STK39: variants seen among roughly 807,000 people sequenced by gnomAD.
STK39 encodes the protein serine/threonine kinase 39.
In STK39, 20 loss-of-function variants were observed where a neutral mutation model predicts 77.8. That is an observed-to-expected ratio of 0.26 (90% CI 0.18 to 0.37). The LOEUF (loss-of-function observed/expected upper bound fraction) is 0.37. Ranked by LOEUF, STK39 falls within the 10% of genes least tolerant of loss-of-function variation. STK39 has a pLI of 1.00. For synonymous variants in STK39, 246 were observed against 234.1 expected (o/e 1.05, Z -0.47); for missense variants, 479 against 656.5 (o/e 0.73, Z 2.95).
At chr2:168,070,486 T>A (rs926285325) in intron 12 of STK39, among the ~76,000 whole-genome samples, 7 of 151,988 alleles carry the variant, frequency 4.6e-5, no homozygotes, top group African/African-American at 1.7e-4. Context: ...AGGGTACATG[T>A]GCACAACGTG....
intron 14 of STK39, among the ~76,000 whole-genome samples, chr2:168,027,371 A>G (rs1044461992): frequency 6.6e-6 from 1 of 152,218 alleles, no homozygotes; most frequent in African/African-American, 2.4e-5. Flanking sequence ...TCTTCTAAAA[A>G]GTGAAAATTC....
At chr2:168,209,209 G>C (rs1022284144) in intron 1 of STK39, among the ~76,000 whole-genome samples, 4 of 152,128 alleles carry the variant, frequency 2.6e-5, no homozygotes, top group African/African-American at 9.7e-5. Flanking sequence ...TTTTACTGAT[G>C]ATGATGAAAG....
At chr2:168,022,948 C>T (rs1416848823) in intron 14 of STK39, among the ~76,000 whole-genome samples, 1 of 152,110 alleles carries the variant, frequency 6.6e-6, no homozygotes, top group African/African-American at 2.4e-5. Flanking sequence ...GACAAGGTCT[C>T]ACTTGGTTGC....
intron 10 of STK39, among the ~76,000 whole-genome samples, chr2:168,087,945 T>C (rs748108066): frequency 1.1e-4 from 16 of 152,178 alleles, no homozygotes; most frequent in Non-Finnish European, 2.2e-4. Flanking sequence ...GAAATAAAGA[T>C]CAGGGGTTAG....
At chr2:168,026,565 C>T (rs978377408) in intron 14 of STK39, among the ~76,000 whole-genome samples, 1 of 152,174 alleles carries the variant, frequency 6.6e-6, no homozygotes, top group African/African-American at 2.4e-5. Context: ...GAAATGACAA[C>T]AGAACCTGGG....
intron 1 of STK39, among the ~76,000 whole-genome samples, chr2:168,187,307 T>C (rs952958479): frequency 4.0e-5 from 6 of 151,282 alleles, no homozygotes; most frequent in Non-Finnish European, 8.8e-5. Context: ...GCTGAGATCA[T>C]GCCACTGCAC....
intron 16 of STK39, among the ~76,000 whole-genome samples, chr2:167,993,697 A>C (rs148420151): frequency 1.0e-3 from 152 of 152,286 alleles, no homozygotes; most frequent in African/African-American, 3.4e-3. Flanking sequence ...ACCATTTTGA[A>C]CAGAGTTTTC....
At chr2:168,156,311 A>C (rs1468745191) in intron 5 of STK39, among the ~76,000 whole-genome samples, 2 of 152,186 alleles carry the variant, frequency 1.3e-5, no homozygotes, top group African/African-American at 4.8e-5. Context: ...GACCAGAAAA[A>C]CAGGCAGGTC....
chr2:168,110,905 G>A (rs1049593619), intron 10 of STK39, among the ~76,000 whole-genome samples: 1 of 152,060 alleles, frequency 6.6e-6, no homozygotes, highest in Non-Finnish European at 1.5e-5. Context: ...TTATCCATGA[G>A]CAAAGTTTTT....
chr2:168,109,661 T>C (rs533135873), intron 10 of STK39, among the ~76,000 whole-genome samples: 35 of 152,344 alleles, frequency 2.3e-4, no homozygotes, highest in Non-Finnish European at 4.6e-4. Flanking sequence ...GTGCCAGTTT[T>C]GCCAGTTTTC....
chr2:168,243,991 A>G (rs1429972699), intron 1 of STK39, among the ~76,000 whole-genome samples: 1 of 152,194 alleles, frequency 6.6e-6, no homozygotes, highest in East Asian at 1.9e-4. Context: ...GAAAGCCTCC[A>G]AAAAGACAGA....
At chr2:168,160,537 T>A (rs1455481939) in intron 5 of STK39, among the ~76,000 whole-genome samples, 3 of 151,960 alleles carry the variant, frequency 2.0e-5, no homozygotes, top group Non-Finnish European at 4.4e-5. Flanking sequence ...TTGCCTATTA[T>A]GTGTTGGCCA....
chr2:168,008,740 C>T (rs1320803417), intron 16 of STK39, among the ~76,000 whole-genome samples: 1 of 151,858 alleles, frequency 6.6e-6, no homozygotes, highest in East Asian at 1.9e-4. Context: ...TGAGGAGGAA[C>T]CAACAAAAAA....
chr2:168,211,689 T>TG (rs1689895177), intron 1 of STK39, among the ~76,000 whole-genome samples: 1 of 152,262 alleles, frequency 6.6e-6, no homozygotes, highest in Admixed American at 6.5e-5. Context: ...ATCAACGCCC[T>TG]GTCTTACGTC....
At chr2:168,106,816 T>C (rs551615405) in intron 10 of STK39, among the ~76,000 whole-genome samples, 2 of 152,294 alleles carry the variant, frequency 1.3e-5, no homozygotes, top group Admixed American at 6.5e-5. Flanking sequence ...AGTGAGAACC[T>C]GTCTCAAAGA....
intron 1 of STK39, among the ~76,000 whole-genome samples, chr2:168,231,135 C>G (rs898904864): frequency 2.0e-5 from 3 of 152,178 alleles, no homozygotes; most frequent in Admixed American, 6.5e-5. Flanking sequence ...GTAAACAAAA[C>G]TGATGGTAAA....
chr2:168,179,199 A>G (rs1314502451), intron 2 of STK39, among the ~76,000 whole-genome samples: 2 of 152,190 alleles, frequency 1.3e-5, no homozygotes, highest in Non-Finnish European at 2.9e-5. Context: ...ATACACACTC[A>G]TGGAATTAAA....
intron 10 of STK39, among the ~76,000 whole-genome samples, chr2:168,119,208 G>C (rs1399155211): frequency 6.6e-6 from 1 of 152,168 alleles, no homozygotes; most frequent in African/African-American, 2.4e-5. Flanking sequence ...GGATCACTGG[G>C]AGTATTTTAT....
chr2:168,243,155 G>A (rs4668051), intron 1 of STK39, among the ~76,000 whole-genome samples: 5 of 152,130 alleles, frequency 3.3e-5, no homozygotes, highest in African/African-American at 1.2e-4. Context: ...GCCAGCGAAG[G>A]TACCACTGTC....
Sources: allele counts gnomAD v4.1 joint callset (sites outside exome capture counted in the v4.1 genomes callset), GRCh38; gene constraint gnomAD v4.1.1; transcripts MANE v1.5; gene names NCBI Gene and HGNC (gene_info 2026-07-23, HGNC 2026-07-21).